Variants in CUX1 observed in about 807,000 individuals in gnomAD.
The protein encoded by CUX1 is cut like homeobox 1.
CUX1 carries 31 observed loss-of-function variants against 158.8 expected under a neutral mutation model. The observed-to-expected ratio is 0.20, with a 90% CI of 0.15 to 0.26. CUX1 has a LOEUF of 0.26. Among genes scored for constraint, CUX1 ranks in the 10% least tolerant of loss-of-function variants. CUX1 has a pLI of 1.00. For synonymous variants in CUX1, 879 were observed against 862.1 expected (o/e 1.02, Z -0.34); for missense variants, 1,589 against 2,014.6 (o/e 0.79, Z 4.04).
chr7:101,975,538 A>G lies in CUX1; in HGVS notation c.142-52560A>G, dbSNP rs189224797. Among the ~76,000 whole-genome samples the G allele has an allele frequency of 2.8e-3, 432 of 152,218 alleles. 1 individual carries two copies. The highest frequency in any genetic ancestry group is 0.01 in the African/African-American group (421 of 41,532). ...TGTCATGTACTCCAACCTGGGTGACAGAACGAGACCCCGTCTCTAAAAGAA... is the reference window on the plus strand; with the variant it reads ...TGTCATGTACTCCAACCTGGGTGACGGAACGAGACCCCGTCTCTAAAAGAA... On this transcript the variant is annotated intron_variant, in intron 2 of 23. Coordinates refer to ENST00000292535, the MANE Select transcript of CUX1 (RefSeq NM_181552.4).
intron 1 of CUX1, among the ~76,000 whole-genome samples, chr7:101,840,902 A>AT (rs112818664): frequency 1.1e-4 from 16 of 149,954 alleles, no homozygotes; most frequent in South Asian, 6.3e-4. Context: ...TATTATTATT[A>AT]TTTTTTTTTG....
intron 3 of CUX1, among the ~76,000 whole-genome samples, chr7:102,041,256 CTTTTTTTTT>C (rs11427183): frequency 0.023 from 1,625 of 69,948 alleles, 47 homozygotes; most frequent in African/African-American, 0.08. Context: ...CTTATCCATT[CTTTTTTTTT>C]TTTTTTTTTT....
intron 6 of CUX1, among the ~76,000 whole-genome samples, chr7:102,110,464 T>C (rs1830764997): frequency 6.6e-6 from 1 of 152,200 alleles, no homozygotes; most frequent in Non-Finnish European, 1.5e-5. Context: ...TGTTACGTGT[T>C]AGTTCATGTT....
At chr7:102,067,144 C>T (rs1359972562) in intron 3 of CUX1, among the ~76,000 whole-genome samples, 1 of 152,004 alleles carries the variant, frequency 6.6e-6, no homozygotes, top group Non-Finnish European at 1.5e-5. Context: ...CCAGCCCCTC[C>T]TTCCCACCCA....
rs1800738848 is a variant in CUX1 at position 102,245,747 on chromosome 7, G to A, written c.3888-2665G>A. ...AGCACTTTGGGAGGCCAAGGCAGGT[G>A]GATCACCTGAGGTCAGGAGTTCAAG... On this transcript the variant is annotated intron_variant, in intron 23 of 23. Transcript: ENST00000292535. 2.0e-5 allele frequency among the ~76,000 whole-genome samples: 3 copies of A among 152,140 alleles called. No homozygotes were observed. In the South Asian group the frequency reaches 6.2e-4, roughly 31 times the overall value.
At chr7:102,124,180 T>C (rs536218908) in intron 8 of CUX1, among the ~76,000 whole-genome samples, 11 of 152,248 alleles carry the variant, frequency 7.2e-5, no homozygotes, top group African/African-American at 2.6e-4. Flanking sequence ...AGTGTATAGA[T>C]TGTAGCACAT....
chr7:102,158,528 A>C (rs781927934), intron 8 of CUX1, 32 bp from the exon 9 acceptor site: 1 of 1,612,990 alleles, frequency 6.2e-7, no homozygotes, highest in South Asian at 1.1e-5. Flanking sequence ...TCTCCTTGTG[A>C]CTAACCTGCT....
rs115920095 is a variant in CUX1 at position 102,210,636 on chromosome 7, G to A, written c.3130+5466G>A. ...GGTGGAAGGATGGTCCCCTGCCCTT[G>A]GCTGAATCGTGAAATACCCAGCTCT... On this transcript the variant is annotated intron_variant, in intron 20 of 23. Transcript: ENST00000292535. Among the ~76,000 whole-genome samples the A allele has an allele frequency of 1.7e-3, 264 of 152,310 alleles. 1 individual carries two copies. The highest frequency in any genetic ancestry group is 6.1e-3 in the African/African-American group (253 of 41,568).
At chr7:101,974,892 C>T (rs996802844) in intron 2 of CUX1, among the ~76,000 whole-genome samples, 3 of 152,016 alleles carry the variant, frequency 2.0e-5, no homozygotes, top group Admixed American at 1.3e-4. Flanking sequence ...AGAGGGAGGT[C>T]TGGGAATGGG....
chr7:101,940,242 G>GA (rs61429755), intron 2 of CUX1, among the ~76,000 whole-genome samples: 84,269 of 140,170 alleles, frequency 0.6, 26,519 homozygotes, highest in Middle Eastern at 0.76. Context: ...CCTGTCTCAG[G>GA]AAAAAAAAAA....
chr7:101,955,267 G>A (rs1410771394), intron 2 of CUX1, among the ~76,000 whole-genome samples: 1 of 152,078 alleles, frequency 6.6e-6, no homozygotes, highest in African/African-American at 2.4e-5. Context: ...GACCATTGCT[G>A]TGACACAGGT....
intron 9 of CUX1, among the ~76,000 whole-genome samples, chr7:102,165,835 C>T (rs1436253008): frequency 6.6e-6 from 1 of 152,114 alleles, no homozygotes; most frequent in Non-Finnish European, 1.5e-5. Flanking sequence ...GCCCAGGGAG[C>T]AGAAAAGCCT....
At chr7:102,101,214 A>G (rs1442928383) in intron 5 of CUX1, among the ~76,000 whole-genome samples, 1 of 152,226 alleles carries the variant, frequency 6.6e-6, no homozygotes, top group Non-Finnish European at 1.5e-5. Context: ...GGTACATAAT[A>G]AAAGTTAGAG....
At chr7:101,965,348 A>T (rs1811047933) in intron 2 of CUX1, among the ~76,000 whole-genome samples, 1 of 152,084 alleles carries the variant, frequency 6.6e-6, no homozygotes, top group South Asian at 2.1e-4. Context: ...CTCACAAGCC[A>T]CAAAGAGGTT....
In CUX1 at chr7:102,082,555, C is replaced by T. The variant is rs1416557290; in HGVS notation, c.268+12138C>T. ...ACATAAACACATACAATGAAATGCG[C>T]TCATTTCAAGTGTGCAGTGTGATAG... is the stretch of plus-strand genomic sequence containing the variant. On this transcript the variant is annotated intron_variant, in intron 4 of 23. Coordinates refer to ENST00000292535, the MANE Select transcript of CUX1 (RefSeq NM_181552.4). Among the ~76,000 whole-genome samples, 10 of 147,078 alleles carry T rather than the reference C, an allele frequency of 6.8e-5. 1 individual carries two copies. Among genetic ancestry groups the T allele is most frequent in the Non-Finnish European group, 1.4e-4 (9 of 65,108 alleles).
intron 1 of CUX1, among the ~76,000 whole-genome samples, chr7:101,828,996 C>T (rs1004651356): frequency 6.6e-6 from 1 of 151,586 alleles, no homozygotes; most frequent in East Asian, 2.0e-4. Context: ...GGGGTCGAGC[C>T]CCTGGGGAAA....
At chr7:102,136,598 T>C (rs1440897388) in intron 8 of CUX1, among the ~76,000 whole-genome samples, 1 of 152,068 alleles carries the variant, frequency 6.6e-6, no homozygotes, top group Non-Finnish European at 1.5e-5. Context: ...ACCATGTTGG[T>C]CAGGCTGGTC....
intron 11 of CUX1, chr7:102,188,908 C>G (rs954521901): frequency 6.6e-6 from 1 of 152,052 alleles, no homozygotes; most frequent in Non-Finnish European, 1.5e-5. Flanking sequence ...CTGGAGCCCA[C>G]TGGAGCGTCA....
At chr7:102,058,921 G>A (rs1824459576) in intron 3 of CUX1, among the ~76,000 whole-genome samples, 2 of 152,162 alleles carry the variant, frequency 1.3e-5, no homozygotes, top group Admixed American at 6.5e-5. Context: ...GCACATCTTA[G>A]CCTCCTTAAA....
Sources: gnomAD v4.1 joint callset for allele counts (sites outside exome capture counted in the v4.1 genomes callset) on GRCh38, gnomAD v4.1.1 for gene constraint, MANE v1.5 for transcripts, NCBI Gene and HGNC (gene_info 2026-07-23, HGNC 2026-07-21) for gene names.